CSMD1: variants seen among roughly 807,000 people sequenced by gnomAD.
The protein encoded by CSMD1 is CUB and Sushi multiple domains 1.
In CSMD1, 213 loss-of-function variants were observed where a neutral mutation model predicts 417.5. The observed-to-expected ratio is 0.51, with a 90% CI of 0.46 to 0.57. The LOEUF is 0.57. CSMD1 is among the 20% of genes least tolerant of loss of function. The pLI, the probability that CSMD1 is intolerant of heterozygous loss-of-function variation, is 0.00. For missense variants in CSMD1, 6,923 were observed against 4,529.7 expected (o/e 1.53, Z -15.17); for synonymous variants, 2,862 against 1,736.8 (o/e 1.65, Z -16.11).
intron 40 of CSMD1, among the ~76,000 whole-genome samples, chr8:3,146,536 A>G (rs565849495): frequency 6.6e-6 from 1 of 152,278 alleles, no homozygotes; most frequent in South Asian, 2.1e-4. Context: ...ATCTTGTGCA[A>G]TCATTGGTAG....
At chr8:4,220,202 T>G (rs1000528350) in intron 3 of CSMD1, among the ~76,000 whole-genome samples, 1 of 152,178 alleles carries the variant, frequency 6.6e-6, no homozygotes, top group African/African-American at 2.4e-5. Context: ...GTGCTCGCCT[T>G]CGCCTCTCAG....
At chr8:4,396,761 A>C (rs1804251809) in intron 3 of CSMD1, among the ~76,000 whole-genome samples, 2 of 152,134 alleles carry the variant, frequency 1.3e-5, no homozygotes, top group Non-Finnish European at 2.9e-5. Flanking sequence ...AATTACTCTA[A>C]GTGAAGTACC....
At chr8:4,981,789 C>T (rs979366830) in intron 1 of CSMD1, among the ~76,000 whole-genome samples, 1 of 152,128 alleles carries the variant, frequency 6.6e-6, no homozygotes, top group African/African-American at 2.4e-5. Flanking sequence ...TCAACCAACA[C>T]AGCAAACTGA....
chr8:3,979,706 G>T (rs1056509335), intron 5 of CSMD1, among the ~76,000 whole-genome samples: 6 of 152,220 alleles, frequency 3.9e-5, no homozygotes, highest in African/African-American at 1.4e-4. Context: ...TGCGTACCCA[G>T]AACTGAATAA....
rs759337746 is a variant in CSMD1, at chr8:3,815,283, G to A, written c.819-61241C>T. 9.9e-5 allele frequency among the ~76,000 whole-genome samples: 15 copies of A among 152,232 alleles called. No individual in the cohort carries two copies. The South Asian group carries it at 1.9e-3, about 19-fold the overall frequency. ...TGAGGATGTGTCATTGATAACAGAAGAAAGAATAACCAATGGTGTTGAGTA... is the reference window on the plus strand; with the variant it reads ...TGAGGATGTGTCATTGATAACAGAAAAAAGAATAACCAATGGTGTTGAGTA... On this transcript the variant is annotated intron_variant, in intron 5 of 69. Coordinates refer to ENST00000635120, the MANE Select transcript of CSMD1 (RefSeq NM_033225.6).
intron 3 of CSMD1, among the ~76,000 whole-genome samples, chr8:4,043,499 A>G (rs1472387780): frequency 6.6e-6 from 1 of 152,224 alleles, no homozygotes; most frequent in African/African-American, 2.4e-5. Flanking sequence ...AAAGTATTTT[A>G]AATACAAACA....
Position 3,346,638 on chromosome 8 carries a change from T to G in CSMD1, c.3474+1354A>C, listed in dbSNP as rs145033160. Among the ~76,000 whole-genome samples the G allele has an allele frequency of 5.9e-5, 9 of 152,314 alleles. No homozygotes were observed. The East Asian group carries it at 9.7e-4, about 16-fold the overall frequency. On this transcript the variant is annotated intron_variant, in intron 22 of 69. Transcript: ENST00000635120. ...AAGTAAGGCCCTTTAATCTGTAAGC[T>G]TCTCCTGACCTTTGCACATAACTTC...
At chr8:4,329,391 T>C (rs1415481228) in intron 3 of CSMD1, among the ~76,000 whole-genome samples, 1 of 152,104 alleles carries the variant, frequency 6.6e-6, no homozygotes, top group African/African-American at 2.4e-5. Context: ...CAGGTACAAG[T>C]GATTCTCCCA....
chr8:4,763,601 C>T (rs779504023), intron 1 of CSMD1, among the ~76,000 whole-genome samples: 1 of 152,106 alleles, frequency 6.6e-6, no homozygotes, highest in South Asian at 2.1e-4. Context: ...TGACTTATGC[C>T]TCCACTCTTT....
At chr8:3,843,720 G>A (rs1212744912) in intron 5 of CSMD1, among the ~76,000 whole-genome samples, 1 of 152,182 alleles carries the variant, frequency 6.6e-6, no homozygotes, top group African/African-American at 2.4e-5. Context: ...TTTGAGCACT[G>A]AAAGGAGGTG....
At chr8:3,341,951 C>G (rs932552473) in intron 23 of CSMD1, among the ~76,000 whole-genome samples, 3 of 152,160 alleles carry the variant, frequency 2.0e-5, no homozygotes, top group African/African-American at 7.2e-5. Flanking sequence ...TTCATTCCAT[C>G]TGCAAGCAAA....
chr8:4,406,009 T>C (rs532615461), intron 3 of CSMD1, among the ~76,000 whole-genome samples: 1 of 152,278 alleles, frequency 6.6e-6, no homozygotes, highest in East Asian at 1.9e-4. Context: ...GAGAGGGCAA[T>C]TCATTCAGAC....
chr8:3,412,338 T>C (rs1440983948), intron 12 of CSMD1, among the ~76,000 whole-genome samples: 2 of 152,034 alleles, frequency 1.3e-5, no homozygotes, highest in Non-Finnish European at 2.9e-5. Flanking sequence ...AACCACTTTC[T>C]AATCAAGCTG....
In CSMD1 at chr8:3,399,432, A is replaced by C. The variant is rs1417042822; in HGVS notation, c.2364T>G (p.Ile788Met). 6.2e-7 allele frequency: 1 copy of C among 1,608,694 alleles called. No homozygotes were observed. Among genetic ancestry groups the C allele is most frequent in the Non-Finnish European group, 8.5e-7 (1 of 1,177,774 alleles). ...YKDSLHCEWI[I>M]EAKPGHSIKI... ...TGATAGAGTGGCCTGGTTTTGCTTC[A>C]ATTATCCATTCACAATGTAAAGAAT... is the stretch of plus-strand genomic sequence containing the variant. Residue 788 changes from isoleucine (I) to methionine (M), a missense_variant, in exon 16 of 70, where the codon ATT becomes ATG. Coordinates refer to ENST00000635120, the MANE Select transcript of CSMD1 (RefSeq NM_033225.6).
intron 3 of CSMD1, among the ~76,000 whole-genome samples, chr8:4,168,783 T>A (rs1205580274): frequency 6.6e-6 from 1 of 152,012 alleles, no homozygotes; most frequent in Non-Finnish European, 1.5e-5. Flanking sequence ...ACAATAAAAC[T>A]CTCCTCTTCC....
chr8:4,366,261 T>A (rs1015950699), intron 3 of CSMD1, among the ~76,000 whole-genome samples: 47 of 151,842 alleles, frequency 3.1e-4, no homozygotes, highest in African/African-American at 1.1e-3. Flanking sequence ...ATTCTTTTTT[T>A]TTTCTGTTTT....
intron 12 of CSMD1, among the ~76,000 whole-genome samples, chr8:3,467,114 T>A (rs1360270048): frequency 6.6e-6 from 1 of 152,186 alleles, no homozygotes; most frequent in African/African-American, 2.4e-5. Flanking sequence ...GGGTAAAATG[T>A]AATTATAATT....
At chr8:3,918,450 T>C (rs569608464) in intron 5 of CSMD1, among the ~76,000 whole-genome samples, 1 of 152,314 alleles carries the variant, frequency 6.6e-6, no homozygotes, top group East Asian at 1.9e-4. Flanking sequence ...ATTAATTATA[T>C]TGATCACCTT....
Position 4,618,817 on chromosome 8 carries a change from T to C in CSMD1, c.302+18525A>G, listed in dbSNP as rs146344702. Among the ~76,000 whole-genome samples, 334 of 152,252 alleles carry C rather than the reference T, an allele frequency of 2.2e-3. 1 individual carries two copies. Among genetic ancestry groups the C allele is most frequent in the African/African-American group, 7.9e-3 (327 of 41,566 alleles). The stretch of plus-strand genomic sequence containing the variant: ...TGACTTCACTGTTCAGAGAAAACAT[T>C]ACAGGATCTTCCATCTTACCTTACT... On this transcript the variant is annotated intron_variant, in intron 2 of 69. Coordinates refer to ENST00000635120, the MANE Select transcript of CSMD1 (RefSeq NM_033225.6).
Sources: allele counts gnomAD v4.1 joint callset (sites outside exome capture counted in the v4.1 genomes callset), GRCh38; gene constraint gnomAD v4.1.1; transcripts MANE v1.5; gene names NCBI Gene and HGNC (gene_info 2026-07-23, HGNC 2026-07-21).